STARD9: variants seen among roughly 807,000 people sequenced by gnomAD.
STARD9 encodes the protein StAR related lipid transfer domain containing 9, also known as stAR-related lipid transfer protein 9.
In STARD9, 346 loss-of-function variants were observed where a neutral mutation model predicts 399.8. That is an observed-to-expected ratio of 0.87 (90% confidence interval 0.79 to 0.95). The LOEUF (loss-of-function observed/expected upper bound fraction) is 0.95, where lower values mean the gene tolerates loss of function less well. Among genes scored for constraint, STARD9 ranks in the 40% least tolerant of loss-of-function variants. The probability of loss-of-function intolerance (pLI) is 0.00; values close to 1 mark genes in which losing one functional copy is unlikely to be tolerated. For synonymous variants in STARD9, 2,203 were observed against 2,143.5 expected, an observed-to-expected ratio of 1.03 and a Z score of -0.77; for missense variants, 5,832 against 5,667.5, an observed-to-expected ratio of 1.03 and a Z score of -0.93.
At position 42,684,168 on chromosome 15, in the gene STARD9, A is replaced by G; in HGVS notation, c.2590A>G (p.Thr864Ala). Reference sequence around the variant, plus strand: ...CACATTGCCACCTAGGCCTGACCCTACACACCAAACATCAGAGAAAACATC... The same window carrying G: ...CACATTGCCACCTAGGCCTGACCCTGCACACCAAACATCAGAGAAAACATC... ...STTLPPRPDP[T>A]HQTSEKTSSE... Residue 864 changes from threonine to alanine, a missense_variant, in exon 23 of 33, where the codon ACA (threonine) becomes GCA (alanine). Thr to Ala is a moderately conservative substitution (Grantham distance 58, BLOSUM62 0). Coordinates refer to ENST00000290607, the MANE Select transcript of STARD9 (RefSeq NM_020759.3). 1.3e-6 allele frequency: 2 copies of G among 1,537,172 alleles called. No homozygotes were observed. Among genetic ancestry groups the G allele is most frequent in the Non-Finnish European group, 1.7e-6 (2 of 1,146,834 alleles).
intron 2 of STARD9, among the ~76,000 whole-genome samples, chr15:42,583,801 T>G (rs2058220788): frequency 6.6e-6 from 1 of 152,152 alleles, no homozygotes; most frequent in South Asian, 2.1e-4. Flanking sequence ...GATACCACTT[T>G]ATCTAGAGAC....
At position 42,716,695 on chromosome 15, in the gene STARD9, G is replaced by C. The variant is rs373709957; in HGVS notation, c.13303G>C (p.Asp4435His). ...TCTGCAGGGGCATACAAACTTGCCT[G>C]ATTCCAGGGATGTATGGATAGGGGA... is the stretch of plus-strand genomic sequence containing the variant. Reference protein sequence around the residue: ...PENMGHTNLPDSRDVWIGDER... With the variant: ...PENMGHTNLPHSRDVWIGDER... The change falls in exon 27 of 33, where the codon GAT becomes CAT. Residue 4435 changes from aspartate (D) to histidine (H), a missense_variant. Around this residue, in one of 2 missense-constraint regions of STARD9, gnomAD observed 5,828 missense variants for 5,651.1 expected, o/e 1.03. Coordinates refer to ENST00000290607, the MANE Select transcript of STARD9 (RefSeq NM_020759.3). The C allele has an allele frequency of 1.3e-6, 2 of 1,536,456 alleles. No individual in the cohort carries two copies. Among genetic ancestry groups the C allele is most frequent in the African/African-American group, 1.4e-5 (1 of 73,028 alleles).
In STARD9 at chr15:42,692,704, A is replaced by C. The variant is rs1318183539; in HGVS notation, c.11126A>C (p.Asn3709Thr). The change falls in exon 23 of 33, where the codon AAC becomes ACC. Residue 3709 changes from asparagine to threonine, a missense_variant. Transcript: ENST00000290607. ...SQPDVARREQ[N>T]TKRDIPDKAP... ...CCAGATGTGGCCAGAAGGGAGCAGA[A>C]CACCAAGAGGGACATCCCAGATAAA... is the stretch of plus-strand genomic sequence containing the variant. 1 of 1,536,938 alleles carries C rather than the reference A, an allele frequency of 6.5e-7. No individual in the cohort carries two copies.
intron 1 of STARD9, among the ~76,000 whole-genome samples, chr15:42,579,648 A>G (rs924868347): frequency 2.8e-4 from 42 of 152,290 alleles, no homozygotes; most frequent in Non-Finnish European, 2.2e-4. Context: ...GAAAACTGGA[A>G]GAACACATTT....
chr15:42,665,408 G>C, intron 14 of STARD9, 78 bp downstream of exon 14: 1 of 1,173,608 alleles, frequency 8.5e-7, no homozygotes, highest in Non-Finnish European at 1.2e-6. Flanking sequence ...ATAGAGTCTG[G>C]GCCCTGCTGC....
At chr15:42,622,493 G>C (rs2059112920) in intron 3 of STARD9, among the ~76,000 whole-genome samples, 2 of 152,034 alleles carry the variant, frequency 1.3e-5, no homozygotes, top group African/African-American at 4.8e-5. Context: ...TCCGACTCTT[G>C]ATTAGCTGGG....
In STARD9 at chr15:42,718,647, T is replaced by G. The variant is rs2061395506; in HGVS notation, c.13843-105T>G. 4.1e-6 allele frequency: 6 copies of G among 1,451,212 alleles called. No homozygotes were observed. In the South Asian group the frequency reaches 6.2e-5, roughly 15 times the overall value. 89.9% of individuals were successfully genotyped at this position (1,451,212 alleles called of 1,614,324 possible). A position where few individuals can be genotyped will look rare whatever the true frequency, so the allele number is the denominator to read the frequency against. On this transcript the variant is annotated intron_variant, in intron 31 of 32. Transcript: ENST00000290607. ...GGCTGGAGCCAGGGTAGGGGTGGCTTGAAGGCTGGCCCAGTGTTGCCTTTC... is the reference window on the plus strand; with the variant it reads ...GGCTGGAGCCAGGGTAGGGGTGGCTGGAAGGCTGGCCCAGTGTTGCCTTTC...
intron 18 of STARD9, chr15:42,675,449 AC>A: frequency 1.8e-6 from 1 of 551,812 alleles, no homozygotes; most frequent in Admixed American, 3.3e-5. Context: ...CTGGAACTCA[AC>A]TTCCTTTCCC....
chr15:42,580,336 A>C (rs1386053036), intron 1 of STARD9, among the ~76,000 whole-genome samples: 1 of 152,198 alleles, frequency 6.6e-6, no homozygotes, highest in Non-Finnish European at 1.5e-5. Context: ...CCAAGCCCAG[A>C]ATCTTGCAAC....
chr15:42,588,959 C>T (rs894475159), intron 3 of STARD9, among the ~76,000 whole-genome samples: 1 of 151,636 alleles, frequency 6.6e-6, no homozygotes, highest in Non-Finnish European at 1.5e-5. Context: ...GGACTACAAG[C>T]GTGTGCCACC....
chr15:42,701,992 CAA>C (rs57444195), intron 26 of STARD9, among the ~76,000 whole-genome samples: 1 of 45,004 alleles, frequency 2.2e-5, no homozygotes, highest in Non-Finnish European at 5.1e-5. Flanking sequence ...GACTCTGACT[CAA>C]AAAAAAAAAA....
intron 9 of STARD9, among the ~76,000 whole-genome samples, chr15:42,657,973 T>C (rs569670378): frequency 5.3e-5 from 8 of 152,256 alleles, no homozygotes; most frequent in Non-Finnish European, 1.2e-4. Flanking sequence ...TTAACTCATA[T>C]TGAATCATAG....
In STARD9 at chr15:42,575,632, G is replaced by C; in HGVS notation, c.-84G>C. Reference sequence around the variant, plus strand: ...GAGGCGCGTGGGGCGGGCGGGGCTGGGTTGGGGCTGTGTCTGGGCTTAGGG... The same window carrying C: ...GAGGCGCGTGGGGCGGGCGGGGCTGCGTTGGGGCTGTGTCTGGGCTTAGGG... On this transcript the variant is annotated 5_prime_UTR_variant, in exon 1 of 33. Transcript: ENST00000290607. The C allele has an allele frequency of 6.9e-7, 1 of 1,456,230 alleles. No individual in the cohort carries two copies. The highest frequency in any genetic ancestry group is 2.5e-5 in the East Asian group (1 of 40,216). The allele number at this position is 1,456,230 out of a possible 1,614,324, so 90.2% of individuals were successfully genotyped here.
intron 9 of STARD9, among the ~76,000 whole-genome samples, chr15:42,658,942 G>A (rs2059935316): frequency 1.3e-5 from 2 of 152,088 alleles, no homozygotes; most frequent in African/African-American, 2.4e-5. Flanking sequence ...TGAAAACCCT[G>A]TCTCTACTAA....
chr15:42,620,504 TAAA>T (rs2059068631), intron 3 of STARD9, among the ~76,000 whole-genome samples: 2 of 151,996 alleles, frequency 1.3e-5, no homozygotes, highest in Admixed American at 6.6e-5. Context: ...TTCAGGAAAT[TAAA>T]GTGTTAATTG....
intron 26 of STARD9, among the ~76,000 whole-genome samples, chr15:42,709,186 A>G (rs1595819912): frequency 6.6e-6 from 1 of 152,096 alleles, no homozygotes; most frequent in South Asian, 2.1e-4. Flanking sequence ...ACTTGAGTCC[A>G]GTATTTTGAG....
chr15:42,695,356 T>G (rs1246120636), intron 25 of STARD9, 33 bp downstream of exon 25: 3 of 1,503,394 alleles, frequency 2.0e-6, no homozygotes, highest in Non-Finnish European at 2.7e-6. Flanking sequence ...GATTTCAGGA[T>G]AGGCCTGGAC....
At chr15:42,642,067 A>G (rs1050793497) in intron 7 of STARD9, among the ~76,000 whole-genome samples, 3 of 152,164 alleles carry the variant, frequency 2.0e-5, no homozygotes, top group African/African-American at 2.4e-5. Flanking sequence ...ATTGATACAT[A>G]TATCTTATCT....
chr15:42,652,439 T>C, intron 8 of STARD9, 81 bp from the exon 9 acceptor site: 2 of 1,178,628 alleles, frequency 1.7e-6, no homozygotes, highest in Non-Finnish European at 2.4e-6. Flanking sequence ...GCACTAACAT[T>C]TCTTGTATTC....
Sources: allele counts gnomAD v4.1 joint callset (sites outside exome capture counted in the v4.1 genomes callset), GRCh38; gene constraint gnomAD v4.1.1; regional missense constraint gnomAD v4.1.1; transcripts MANE v1.5; gene names NCBI Gene and HGNC (gene_info 2026-07-23, HGNC 2026-07-21).